The following KSR2 variants were observed in gnomAD, a reference collection of about 807,000 sequenced individuals.
The protein encoded by KSR2 is kinase suppressor of ras 2.
Under a neutral mutation model 107.8 loss-of-function variants are expected in KSR2, and 25 were observed. The ratio of observed to expected loss-of-function variants is 0.23; its 90% CI spans 0.17 to 0.32. KSR2 has a LOEUF of 0.32. Among genes scored for constraint, KSR2 ranks in the 10% least tolerant of loss-of-function variants. KSR2 has a pLI of 1.00. For missense variants in KSR2, 887 were observed against 1,268.9 expected (o/e 0.70, Z 4.57); for synonymous variants, 480 against 507.0 (o/e 0.95, Z 0.71).
In KSR2 at chr12:117,967,352, T is replaced by C. The variant is rs1419885739; in HGVS notation, c.180+724A>G. Among the ~76,000 whole-genome samples, 4 of 152,178 alleles carry C rather than the reference T, an allele frequency of 2.6e-5. No homozygotes were observed. In the East Asian group the frequency reaches 7.7e-4, roughly 29 times the overall value. On this transcript the variant is annotated intron_variant, in intron 1 of 19. Coordinates refer to ENST00000339824, the MANE Select transcript of KSR2 (RefSeq NM_173598.6). ...CTCTTTCCTCACAGTCCCACTGAGATTCAGGAGTATTCTCCCACACCACCT... is the reference window on the plus strand; with the variant it reads ...CTCTTTCCTCACAGTCCCACTGAGACTCAGGAGTATTCTCCCACACCACCT...
Position 117,456,314 on chromosome 12 carries a change from G to A in KSR2, c.*10885C>T, listed in dbSNP as rs191285273. On this transcript the variant is annotated 3_prime_UTR_variant, in exon 20 of 20. Coordinates refer to ENST00000339824, the MANE Select transcript of KSR2 (RefSeq NM_173598.6). Reference sequence around the variant, plus strand: ...GGCTGGCTAGGAGGGAAAGGGGGCCGGGGCAGGGGGCCTCGGTGTGGCAGG... The same window carrying A: ...GGCTGGCTAGGAGGGAAAGGGGGCCAGGGCAGGGGGCCTCGGTGTGGCAGG... 3.7e-4 allele frequency: 57 copies of A among 152,430 alleles called. No homozygotes were observed. Among genetic ancestry groups the A allele is most frequent in the Non-Finnish European group, 3.8e-4 (26 of 68,164 alleles). 9.4% of individuals were successfully genotyped at this position (152,430 alleles called of 1,614,324 possible). A position where few individuals can be genotyped will look rare whatever the true frequency, so the allele number is the denominator to read the frequency against.
In KSR2 at chr12:117,868,538, C is replaced by T. The variant is rs1593322197; in HGVS notation, c.181-8107G>A. On this transcript the variant is annotated intron_variant, in intron 1 of 19. Transcript: ENST00000339824. ...CACACATGCATTATTTCAATATATCCTTACATTCCCAGGAACTAGGTCCTA... is the reference window on the plus strand; with the variant it reads ...CACACATGCATTATTTCAATATATCTTTACATTCCCAGGAACTAGGTCCTA... 1.3e-5 allele frequency among the ~76,000 whole-genome samples: 2 copies of T among 152,144 alleles called. 1 individual carries two copies. Among genetic ancestry groups the T allele is most frequent in the South Asian group, 4.2e-4 (2 of 4,818 alleles).
chr12:117,729,938 G>A (rs1212686166), intron 4 of KSR2, among the ~76,000 whole-genome samples: 1 of 152,164 alleles, frequency 6.6e-6, no homozygotes, highest in Non-Finnish European at 1.5e-5. Context: ...CAGCCTCTGG[G>A]TCCAAGGAAC....
At chr12:117,474,581 T>C (rs1871661376) in intron 17 of KSR2, among the ~76,000 whole-genome samples, 1 of 152,002 alleles carries the variant, frequency 6.6e-6, no homozygotes, top group Admixed American at 6.6e-5. Context: ...TGCAACCACA[T>C]GTGGACAAGG....
intron 9 of KSR2, among the ~76,000 whole-genome samples, chr12:117,550,249 G>A (rs74810436): frequency 0.021 from 3,261 of 152,272 alleles, 120 homozygotes; most frequent in African/African-American, 0.074. Flanking sequence ...CTCAGAAGCA[G>A]AAGCACGAGG....
chr12:117,468,550 C>T (rs751865846), intron 19 of KSR2, among the ~76,000 whole-genome samples: 1 of 152,140 alleles, frequency 6.6e-6, no homozygotes, highest in Non-Finnish European at 1.5e-5. Context: ...TGTCCACAGC[C>T]CCCGGGGACA....
chr12:117,888,073 G>A (rs954272214), intron 1 of KSR2, among the ~76,000 whole-genome samples: 6 of 152,186 alleles, frequency 3.9e-5, no homozygotes, highest in Admixed American at 1.3e-4. Context: ...TTAATGCTTC[G>A]TAACAATATT....
intron 4 of KSR2, among the ~76,000 whole-genome samples, chr12:117,676,390 T>TGCATATTTCTTG (rs1478823497): frequency 6.6e-6 from 1 of 152,170 alleles, no homozygotes. Flanking sequence ...TGCATTTTAA[T>TGCATATTTCTTG]AAAATTCAAG....
chr12:117,912,671 G>A (rs757031829), intron 1 of KSR2, among the ~76,000 whole-genome samples: 6 of 152,164 alleles, frequency 3.9e-5, no homozygotes, highest in East Asian at 1.9e-4. Context: ...GTGGGATTAC[G>A]GGACTCTGTT....
chr12:117,837,852 C>T (rs1333758861), intron 3 of KSR2, among the ~76,000 whole-genome samples: 1 of 152,182 alleles, frequency 6.6e-6, no homozygotes, highest in Non-Finnish European at 1.5e-5. Context: ...CGTCTCCCAC[C>T]CTCCCAACTC....
At chr12:117,918,171 TACGTTTATTTGA>T (rs990881323) in intron 1 of KSR2, among the ~76,000 whole-genome samples, 3 of 152,234 alleles carry the variant, frequency 2.0e-5, no homozygotes, top group African/African-American at 7.2e-5. Flanking sequence ...CCTTTCAGAC[TACGTTTATTTGA>T]GGGGACACAG....
intron 9 of KSR2, among the ~76,000 whole-genome samples, chr12:117,549,563 C>T (rs1044619313): frequency 6.6e-6 from 1 of 152,126 alleles, no homozygotes; most frequent in Non-Finnish European, 1.5e-5. Flanking sequence ...AGCAATGAGC[C>T]AGTCACACAG....
Position 117,476,553 on chromosome 12 carries a change from G to A in KSR2, c.2493C>T (p.His831=), listed in dbSNP as rs548337984. 2 of 1,611,434 alleles carry A rather than the reference G, an allele frequency of 1.2e-6. No individual in the cohort carries two copies. Among genetic ancestry groups the A allele is most frequent in the Admixed American group, 1.7e-5 (1 of 59,708 alleles). The change falls in exon 17 of 20, where the codon CAC becomes CAT. Residue 831 remains histidine (H), a synonymous_variant. Coordinates refer to ENST00000339824, the MANE Select transcript of KSR2 (RefSeq NM_173598.6). ...KLRIQNGWLC[H]LAPEIIRQLS... ...GCTGGCGGATGATCTCTGGTGCCAG[G>A]TGGCATAGCCAGCCATTCTGGATGC...
intron 4 of KSR2, among the ~76,000 whole-genome samples, chr12:117,705,845 C>A (rs1886504323): frequency 6.6e-6 from 1 of 152,068 alleles, no homozygotes; most frequent in East Asian, 1.9e-4. Context: ...GACTCAGGCT[C>A]CTGAATCCAC....
chr12:117,509,924 G>A (rs1336784971), intron 14 of KSR2, among the ~76,000 whole-genome samples: 1 of 152,150 alleles, frequency 6.6e-6, no homozygotes, highest in African/African-American at 2.4e-5. Context: ...ACTTTCTACT[G>A]CCATCAAAGG....
rs1269069903 is a variant in KSR2, at chr12:117,456,997, G to A, written c.*10202C>T. 6.6e-6 allele frequency: 1 copy of A among 152,244 alleles called. No homozygotes were observed. The highest frequency in any genetic ancestry group is 1.5e-5 in the Non-Finnish European group (1 of 68,050). The allele number at this position is 152,244 out of a possible 1,614,324, so 9.4% of individuals were successfully genotyped here. Reference sequence around the variant, plus strand: ...GGGAATACAGAAGGGCTTTCCCTGAGTAGCCTCAGAAAGCAACACCAAGAT... The same window carrying A: ...GGGAATACAGAAGGGCTTTCCCTGAATAGCCTCAGAAAGCAACACCAAGAT... On this transcript the variant is annotated 3_prime_UTR_variant, in exon 20 of 20. Transcript: ENST00000339824.
intron 5 of KSR2, among the ~76,000 whole-genome samples, chr12:117,632,067 G>T (rs1882832381): frequency 6.6e-6 from 1 of 152,046 alleles, no homozygotes; most frequent in Admixed American, 6.6e-5. Context: ...TTTAATTTTG[G>T]CTAGAATTAT....
At chr12:117,792,862 C>A (rs533419287) in intron 3 of KSR2, among the ~76,000 whole-genome samples, 27 of 152,072 alleles carry the variant, frequency 1.8e-4, no homozygotes, top group Middle Eastern at 3.4e-3. Flanking sequence ...GCATTGTGTG[C>A]ACACACACCA....
chr12:117,589,498 CCCAGGGACA>C (rs1312717742), intron 5 of KSR2, among the ~76,000 whole-genome samples: 66 of 152,310 alleles, frequency 4.3e-4, no homozygotes, highest in Admixed American at 7.2e-4. Flanking sequence ...AAGCTTCCAG[CCCAGGGACA>C]TGACAGACTG....
Sources: gnomAD v4.1 joint callset for allele counts (sites outside exome capture counted in the v4.1 genomes callset) on GRCh38, gnomAD v4.1.1 for gene constraint, MANE v1.5 for transcripts, NCBI Gene and HGNC (gene_info 2026-07-23, HGNC 2026-07-21) for gene names.